GLRA3: variants seen among roughly 807,000 people sequenced by gnomAD.
GLRA3 encodes glycine receptor subunit alpha-3.
In GLRA3, 44 loss-of-function variants were observed where a neutral mutation model predicts 60.4. That is an observed-to-expected ratio of 0.73 (90% CI 0.57 to 0.94). The LOEUF is 0.94. Ranked by LOEUF, GLRA3 falls within the 40% of genes least tolerant of loss-of-function variation. The pLI, the probability that GLRA3 is intolerant of heterozygous loss-of-function variation, is 0.00. For missense variants in GLRA3, 508 were observed against 564.6 expected (o/e 0.90, Z 1.02); for synonymous variants, 223 against 192.9 (o/e 1.16, Z -1.29).
intron 7 of GLRA3, among the ~76,000 whole-genome samples, chr4:174,667,821 C>T (rs920639458): frequency 4.6e-5 from 7 of 152,094 alleles, no homozygotes; most frequent in Non-Finnish European, 7.4e-5. Flanking sequence ...TACCAGACCA[C>T]TTTGTTCATT....
At position 174,696,923 on chromosome 4, in the gene GLRA3, G is replaced by A. The variant is rs114575460; in HGVS notation, c.575-13984C>T. On this transcript the variant is annotated intron_variant, in intron 5 of 9. Transcript: ENST00000274093. ...GCTAGAAAGGAGGATTATGAGTAGAGGCTACTAATGCATTCATTTTTGTTT... is the reference window on the plus strand; with the variant it reads ...GCTAGAAAGGAGGATTATGAGTAGAAGCTACTAATGCATTCATTTTTGTTT... Among the ~76,000 whole-genome samples the A allele has an allele frequency of 7.6e-3, 1,159 of 152,118 alleles. 20 individuals are homozygous for A. The highest frequency in any genetic ancestry group is 0.025 in the African/African-American group (1,044 of 41,510).
intron 7 of GLRA3, among the ~76,000 whole-genome samples, chr4:174,659,895 C>A (rs918844466): frequency 2.8e-4 from 42 of 150,376 alleles, no homozygotes; most frequent in African/African-American, 9.5e-4. Context: ...TCGCTTGAAC[C>A]CAGGGGGCAG....
At chr4:174,789,571 C>T (rs1341359152) in intron 1 of GLRA3, among the ~76,000 whole-genome samples, 1 of 152,106 alleles carries the variant, frequency 6.6e-6, no homozygotes, top group Non-Finnish European at 1.5e-5. Context: ...ACCATGTGCA[C>T]CTGGATATTA....
At chr4:174,699,164 A>AT (rs1406260049) in intron 5 of GLRA3, among the ~76,000 whole-genome samples, 3 of 151,520 alleles carry the variant, frequency 2.0e-5, no homozygotes, top group East Asian at 1.9e-4. Context: ...CGCCTGGCTA[A>AT]TTTTTTTTGT....
chr4:174,657,117 C>T (rs1307832016), intron 8 of GLRA3, among the ~76,000 whole-genome samples: 1 of 152,038 alleles, frequency 6.6e-6, no homozygotes, highest in Non-Finnish European at 1.5e-5. Context: ...ATGAATGTTT[C>T]CCTCTTTCTA....
intron 3 of GLRA3, among the ~76,000 whole-genome samples, chr4:174,750,167 T>A (rs968956657): frequency 3.9e-5 from 6 of 152,240 alleles, no homozygotes; most frequent in Non-Finnish European, 7.4e-5. Context: ...TTTTTGTGCA[T>A]AAATTGTTAT....
Position 174,807,893 on chromosome 4 carries a change from C to A in GLRA3, c.72-18950G>T, listed in dbSNP as rs192703062. Among the ~76,000 whole-genome samples the A allele has an allele frequency of 6.9e-4, 105 of 152,060 alleles. 1 individual carries two copies. Among genetic ancestry groups the A allele is most frequent in the African/African-American group, 2.3e-3 (95 of 41,492 alleles). ...CCTGGAAAAATCTTTGAGAAAATAC[C>A]ATAGCAAAATGAGGAAATAGACAAG... is the stretch of plus-strand genomic sequence containing the variant. On this transcript the variant is annotated intron_variant, in intron 1 of 9. Coordinates refer to ENST00000274093, the MANE Select transcript of GLRA3 (RefSeq NM_006529.4).
intron 3 of GLRA3, among the ~76,000 whole-genome samples, chr4:174,751,237 C>G (rs1433742123): frequency 6.6e-6 from 1 of 151,992 alleles, no homozygotes; most frequent in South Asian, 2.1e-4. Context: ...GTGTAAATTT[C>G]ACAAAGAATT....
chr4:174,773,167 C>A (rs1214882767), intron 2 of GLRA3, among the ~76,000 whole-genome samples: 2 of 152,194 alleles, frequency 1.3e-5, no homozygotes, highest in Non-Finnish European at 2.9e-5. Flanking sequence ...ATCCAATACA[C>A]TCCTATGTTA....
rs1287900978 is a variant in GLRA3, at chr4:174,779,831, G to A, written c.199+8985C>T. On this transcript the variant is annotated intron_variant, in intron 2 of 9. Transcript: ENST00000274093. The stretch of plus-strand genomic sequence containing the variant: ...GACTATGTGAAAAGACCAAATCTAC[G>A]TCTGATTGGTGTACCTGAAAGTGAT... Among the ~76,000 whole-genome samples, 10 of 151,952 alleles carry A rather than the reference G, an allele frequency of 6.6e-5. No individual in the cohort carries two copies. The East Asian group carries it at 9.7e-4, about 15-fold the overall frequency.
intron 6 of GLRA3, among the ~76,000 whole-genome samples, chr4:174,680,224 C>T (rs1454604326): frequency 6.6e-6 from 1 of 151,944 alleles, no homozygotes; most frequent in East Asian, 1.9e-4. Context: ...TACACCATTG[C>T]TTGTACATAA....
intron 5 of GLRA3, among the ~76,000 whole-genome samples, chr4:174,705,282 T>C (rs1298687693): frequency 7.0e-6 from 1 of 142,796 alleles, no homozygotes; most frequent in Non-Finnish European, 1.6e-5. Context: ...TTCTGTGGGG[T>C]GATGCAATGA....
chr4:174,821,461 C>G (rs970617381), intron 1 of GLRA3, among the ~76,000 whole-genome samples: 4 of 152,048 alleles, frequency 2.6e-5, no homozygotes, highest in South Asian at 2.1e-4. Flanking sequence ...GCATAGCAAC[C>G]ATTATAACAA....
At chr4:174,716,169 G>C (rs1325493585) in intron 4 of GLRA3, among the ~76,000 whole-genome samples, 1 of 152,180 alleles carries the variant, frequency 6.6e-6, no homozygotes, top group Non-Finnish European at 1.5e-5. Flanking sequence ...TTAGTAAAGT[G>C]AATCTGGAGG....
At chr4:174,785,719 A>T (rs1739099136) in intron 2 of GLRA3, among the ~76,000 whole-genome samples, 1 of 152,156 alleles carries the variant, frequency 6.6e-6, no homozygotes, top group Admixed American at 6.6e-5. Flanking sequence ...AGAAGTGAGG[A>T]TCAAATCATT....
At chr4:174,656,664 C>A (rs1733219562) in intron 9 of GLRA3, 79 bp downstream of exon 9, 6 of 761,500 alleles carry the variant, frequency 7.9e-6, no homozygotes, top group African/African-American at 1.7e-5. Context: ...CCAAACACTG[C>A]CTTGGTAGTG....
Position 174,779,667 on chromosome 4 carries a change from C to T in GLRA3, c.199+9149G>A, listed in dbSNP as rs555204373. ...AGGCTCGAGAACTACATGAAGAATGCAGAAGCCTCAGGAGCCGATGCGATC... is the reference window on the plus strand; with the variant it reads ...AGGCTCGAGAACTACATGAAGAATGTAGAAGCCTCAGGAGCCGATGCGATC... On this transcript the variant is annotated intron_variant, in intron 2 of 9. Transcript: ENST00000274093. 1.3e-3 allele frequency among the ~76,000 whole-genome samples: 200 copies of T among 152,168 alleles called. 2 individuals are homozygous for T. The East Asian group carries it at 0.025, about 19-fold the overall frequency.
intron 7 of GLRA3, among the ~76,000 whole-genome samples, chr4:174,667,816 G>C (rs1209399212): frequency 6.6e-6 from 1 of 152,080 alleles, no homozygotes; most frequent in African/African-American, 2.4e-5. Flanking sequence ...AATTATACCA[G>C]ACCACTTTGT....
At chr4:174,651,810 G>A (rs914136591) in intron 9 of GLRA3, among the ~76,000 whole-genome samples, 15 of 152,128 alleles carry the variant, frequency 9.9e-5, no homozygotes, top group African/African-American at 3.6e-4. Flanking sequence ...GAGTCTTTGT[G>A]TTTTAAATGT....
Sources: gnomAD v4.1 joint callset for allele counts (sites outside exome capture counted in the v4.1 genomes callset) on GRCh38, gnomAD v4.1.1 for gene constraint, MANE v1.5 for transcripts, NCBI Gene and HGNC (gene_info 2026-07-23, HGNC 2026-07-21) for gene names.